CPXM2: variants seen among roughly 807,000 people sequenced by gnomAD.
CPXM2 encodes carboxypeptidase X, M14 family member 2, also known as inactive carboxypeptidase-like protein X2.
CPXM2 carries 66 observed loss-of-function variants against 86.1 expected under a neutral mutation model. The ratio of observed to expected loss-of-function variants is 0.77; its 90% CI spans 0.63 to 0.94. CPXM2 has a LOEUF of 0.94. Ranked by LOEUF, CPXM2 falls within the 40% of genes least tolerant of loss-of-function variation. The probability of loss-of-function intolerance (pLI) is 0.00; values close to 1 mark genes in which losing one functional copy is unlikely to be tolerated. For missense variants in CPXM2, 948 were observed against 1,026.3 expected, an observed-to-expected ratio of 0.92 and a Z score of 1.04; for synonymous variants, 388 against 400.2, an observed-to-expected ratio of 0.97 and a Z score of 0.36.
At chr10:123,784,566 T>C (rs1185922895) in intron 6 of CPXM2, among the ~76,000 whole-genome samples, 2 of 152,208 alleles carry the variant, frequency 1.3e-5, no homozygotes, top group Non-Finnish European at 2.9e-5. Flanking sequence ...AGTCATTTCT[T>C]ACTCCTCAGA....
At position 123,841,711 on chromosome 10, in the gene CPXM2, G is replaced by T. The variant is rs902616242; in HGVS notation, c.653+638C>A. Among the ~76,000 whole-genome samples the T allele has an allele frequency of 2.6e-5, 4 of 152,190 alleles. 1 individual carries two copies. Among genetic ancestry groups the T allele is most frequent in the African/African-American group, 9.6e-5 (4 of 41,454 alleles). On this transcript the variant is annotated intron_variant, in intron 4 of 13. Transcript: ENST00000241305. The stretch of plus-strand genomic sequence containing the variant: ...CTTCCTCTTTAAGGCTGAATAATAT[G>T]TTTCACTGTATGCATATGTCATAAG...
At chr10:123,785,656 C>T (rs1242448757) in intron 6 of CPXM2, among the ~76,000 whole-genome samples, 9 of 142,526 alleles carry the variant, frequency 6.3e-5, no homozygotes, top group Admixed American at 2.8e-4. Context: ...TTTTTTGAGA[C>T]GCAGTCTTGC....
At chr10:123,826,184 C>A (rs1174668136) in intron 4 of CPXM2, among the ~76,000 whole-genome samples, 1 of 152,180 alleles carries the variant, frequency 6.6e-6, no homozygotes, top group Non-Finnish European at 1.5e-5. Flanking sequence ...CTCTCAGTCA[C>A]ACAGAAAGTG....
chr10:123,861,360 C>A (rs1027894594), intron 3 of CPXM2, among the ~76,000 whole-genome samples: 1 of 152,156 alleles, frequency 6.6e-6, no homozygotes, highest in African/African-American at 2.4e-5. Context: ...CGGTAGAGAT[C>A]AAGTGCTAAG....
At chr10:123,858,529 G>A (rs1256353774) in intron 3 of CPXM2, among the ~76,000 whole-genome samples, 2 of 152,218 alleles carry the variant, frequency 1.3e-5, no homozygotes, top group Non-Finnish European at 2.9e-5. Context: ...AACAACTCAA[G>A]GTTTAAAGCT....
intron 2 of CPXM2, among the ~76,000 whole-genome samples, chr10:123,902,512 G>C (rs1301290820): frequency 6.6e-6 from 1 of 152,206 alleles, no homozygotes; most frequent in Non-Finnish European, 1.5e-5. Context: ...ATAAACAACA[G>C]TAATTCATTT....
At chr10:123,799,512 T>C (rs1847406627) in intron 4 of CPXM2, among the ~76,000 whole-genome samples, 2 of 152,220 alleles carry the variant, frequency 1.3e-5, no homozygotes, top group African/African-American at 4.8e-5. Context: ...TGATCACAGA[T>C]GTAAAGATAT....
intron 3 of CPXM2, among the ~76,000 whole-genome samples, chr10:123,852,128 T>G (rs1373625601): frequency 6.6e-6 from 1 of 152,180 alleles, no homozygotes; most frequent in Non-Finnish European, 1.5e-5. Flanking sequence ...AATCAGTGTT[T>G]GTTGTCTTCA....
At chr10:123,748,059 G>T (rs1002789496) in intron 13 of CPXM2, among the ~76,000 whole-genome samples, 12 of 152,018 alleles carry the variant, frequency 7.9e-5, no homozygotes, top group African/African-American at 2.7e-4. Flanking sequence ...GGCCATCTTG[G>T]GGAACACCAC....
At chr10:123,825,758 T>C (rs1447574352) in intron 4 of CPXM2, among the ~76,000 whole-genome samples, 2 of 152,200 alleles carry the variant, frequency 1.3e-5, no homozygotes, top group Non-Finnish European at 2.9e-5. Context: ...CCTTAATATT[T>C]TTATTAAGAT....
At position 123,746,701 on chromosome 10, in the gene CPXM2, G is replaced by A. The variant is rs1314397217; in HGVS notation, c.*63C>T. 4 of 1,487,320 alleles carry A rather than the reference G, an allele frequency of 2.7e-6. No individual in the cohort carries two copies. The highest frequency in any genetic ancestry group is 3.7e-6 in the Non-Finnish European group (4 of 1,078,150). 92.1% of individuals were successfully genotyped at this position (1,487,320 alleles called of 1,614,324 possible). A position where few individuals can be genotyped will look rare whatever the true frequency, so the allele number is the denominator to read the frequency against. ...AACAACAGTGAGTGAGTCCACTATG[G>A]AGCTACTACCAGGTTGGTTTAATTT... On this transcript the variant is annotated 3_prime_UTR_variant, in exon 14 of 14. Coordinates refer to ENST00000241305, the MANE Select transcript of CPXM2 (RefSeq NM_198148.3).
intron 4 of CPXM2, among the ~76,000 whole-genome samples, chr10:123,827,798 C>T (rs1848078936): frequency 6.6e-6 from 1 of 152,082 alleles, no homozygotes; most frequent in Non-Finnish European, 1.5e-5. Context: ...ACCAGCCTCC[C>T]CAGTTTCAAG....
chr10:123,843,204 G>A (rs895623707), intron 3 of CPXM2: 6 of 432,206 alleles, frequency 1.4e-5, no homozygotes, highest in African/African-American at 4.1e-5. Flanking sequence ...CTCCCTCCTC[G>A]GCCCTCTGAA....
intron 2 of CPXM2, among the ~76,000 whole-genome samples, chr10:123,909,854 C>G (rs1293635326): frequency 6.6e-6 from 1 of 152,182 alleles, no homozygotes; most frequent in African/African-American, 2.4e-5. Context: ...ATGTGTTCAC[C>G]CATGAGGGCC....
intron 4 of CPXM2, among the ~76,000 whole-genome samples, chr10:123,810,138 A>G (rs905763346): frequency 6.6e-6 from 1 of 152,018 alleles, no homozygotes; most frequent in Non-Finnish European, 1.5e-5. Flanking sequence ...AAGCATTATT[A>G]GAGATAAAGA....
intron 13 of CPXM2, among the ~76,000 whole-genome samples, chr10:123,749,846 C>G (rs1224187900): frequency 6.6e-6 from 1 of 152,236 alleles, no homozygotes; most frequent in African/African-American, 2.4e-5. Flanking sequence ...CACTCTATCG[C>G]CCAGGCTGGA....
chr10:123,937,643 T>C (rs968135134), intron 2 of CPXM2, among the ~76,000 whole-genome samples: 3 of 152,170 alleles, frequency 2.0e-5, no homozygotes, highest in African/African-American at 7.2e-5. Flanking sequence ...CTCTTGACAG[T>C]TCCTTGAAGC....
intron 2 of CPXM2, among the ~76,000 whole-genome samples, chr10:123,925,857 A>C (rs527620338): frequency 1.4e-4 from 21 of 152,372 alleles, no homozygotes; most frequent in Admixed American, 1.2e-3. Flanking sequence ...TGGAGCTTCC[A>C]GATACAACCA....
At chr10:123,922,974 T>TTGAGGCCGTCCCA (rs1420846994) in intron 2 of CPXM2, among the ~76,000 whole-genome samples, 1 of 152,170 alleles carries the variant, frequency 6.6e-6, no homozygotes, top group Non-Finnish European at 1.5e-5. Context: ...GTGGAGCAGC[T>TTGAGGCCGTCCCA]TGAGGCCGTC....
Sources: gnomAD v4.1 joint callset for allele counts (sites outside exome capture counted in the v4.1 genomes callset) on GRCh38, gnomAD v4.1.1 for gene constraint, MANE v1.5 for transcripts, NCBI Gene and HGNC (gene_info 2026-07-23, HGNC 2026-07-21) for gene names.